The following FAM186A variants were observed in gnomAD, a reference collection of about 807,000 sequenced individuals.
The protein encoded by FAM186A is family with sequence similarity 186 member A.
FAM186A carries 163 observed loss-of-function variants against 216.8 expected under a neutral mutation model. The ratio of observed to expected loss-of-function variants is 0.75; its 90% CI spans 0.66 to 0.86. FAM186A has a LOEUF of 0.86. Ranked by LOEUF, FAM186A falls within the 40% of genes least tolerant of loss-of-function variation. The probability of loss-of-function intolerance (pLI) is 0.00; values close to 1 mark genes in which losing one functional copy is unlikely to be tolerated. For synonymous variants in FAM186A, 805 were observed against 1,025.3 expected, an observed-to-expected ratio of 0.79 and a Z score of 4.10; for missense variants, 2,184 against 2,746.2, an observed-to-expected ratio of 0.80 and a Z score of 4.58.
intron 1 of FAM186A, among the ~76,000 whole-genome samples, chr12:50,378,558 GTA>G (rs144897665): frequency 0.02 from 287 of 14,394 alleles, 1 homozygote; most frequent in Admixed American, 0.03. Context: ...TATGTAAATT[GTA>G]TATATATATA....
chr12:50,353,968 T>C lies in FAM186A; in HGVS notation c.2864A>G (p.His955Arg). Reference protein sequence around the residue: ...QMRQIQKEAKHLGPHRRREKG... With the variant: ...QMRQIQKEAKRLGPHRRREKG... Reference sequence around the variant, plus strand: ...CTCCCTTCTCCTGTGTGGCCCCAAATGTTTCGCTTCCTTCTGAATCTGCCT... The same window carrying C: ...CTCCCTTCTCCTGTGTGGCCCCAAACGTTTCGCTTCCTTCTGAATCTGCCT... Residue 955 changes from histidine to arginine, a missense_variant, in exon 4 of 8, where the codon CAT (histidine) becomes CGT (arginine). By Grantham distance (29) the His-to-Arg change is conservative (BLOSUM62 0). This residue lies in a region of FAM186A where 1,132 missense variants were observed against 1,263.4 expected (regional missense o/e 0.90). Transcript: ENST00000327337. 1.9e-6 allele frequency: 3 copies of C among 1,553,110 alleles called. No homozygotes were observed. The highest frequency in any genetic ancestry group is 1.7e-6 in the Non-Finnish European group (2 of 1,147,782).
At chr12:50,330,808 G>C in intron 6 of FAM186A, 50 bp from the exon 7 acceptor site, 1 of 1,440,676 alleles carries the variant, frequency 6.9e-7, no homozygotes, top group Non-Finnish European at 9.2e-7. Context: ...GAGCTCCATA[G>C]CCCATCAAAA....
chr12:50,339,866 C>CT (rs1942745739), intron 4 of FAM186A, among the ~76,000 whole-genome samples: 1 of 152,012 alleles, frequency 6.6e-6, no homozygotes, highest in African/African-American at 2.4e-5. Flanking sequence ...GAGACAGAGT[C>CT]TTACTCTGTC....
At chr12:50,342,189 T>C (rs933457217) in intron 4 of FAM186A, among the ~76,000 whole-genome samples, 1 of 151,254 alleles carries the variant, frequency 6.6e-6, no homozygotes, top group African/African-American at 2.4e-5. Context: ...CCAGCTACTC[T>C]GGAGGCTGAA....
intron 1 of FAM186A, among the ~76,000 whole-genome samples, chr12:50,385,060 C>A (rs774428690): frequency 3.3e-5 from 5 of 151,548 alleles, no homozygotes; most frequent in Non-Finnish European, 7.4e-5. Flanking sequence ...CCGCCTTGGC[C>A]TCCCAAAGTG....
At chr12:50,359,859 A>T (rs1943015272) in intron 3 of FAM186A, among the ~76,000 whole-genome samples, 1 of 152,228 alleles carries the variant, frequency 6.6e-6, no homozygotes, top group African/African-American at 2.4e-5. Context: ...GAGAGAATAC[A>T]TTAGTGACTG....
At chr12:50,388,550 C>G (rs1356397090) in intron 1 of FAM186A, among the ~76,000 whole-genome samples, 1 of 148,410 alleles carries the variant, frequency 6.7e-6, no homozygotes, top group Non-Finnish European at 1.5e-5. Flanking sequence ...ACCTGGGAGG[C>G]GGAGGTTGCG....
At chr12:50,339,741 T>TACACACAC (rs10611207) in intron 4 of FAM186A, among the ~76,000 whole-genome samples, 2,579 of 148,466 alleles carry the variant, frequency 0.017, 74 homozygotes, top group East Asian at 0.066. Context: ...CAAAGTACTT[T>TACACACAC]ACACACACAC....
In FAM186A at chr12:50,330,741, G is replaced by T. The variant is rs1942649148; in HGVS notation, c.6866C>A (p.Thr2289Lys). Residue 2289 changes from threonine to lysine, a missense_variant, in exon 7 of 8, where the codon ACA becomes AAA. Thr to Lys is a moderately conservative substitution (Grantham distance 78, BLOSUM62 -1). This residue lies in a region of FAM186A where 721 missense variants were observed against 816.4 expected (regional missense o/e 0.88). Coordinates refer to ENST00000327337, the MANE Select transcript of FAM186A (RefSeq NM_001145475.3). ...CKKFRQQEDQ[T>K]EAIWNVDLST... ...CAGATCAACATTCCAGATGGCCTCT[G>T]TCTGGTCCTCTTGTTGCCTACAGAA... is the stretch of plus-strand genomic sequence containing the variant. 3 of 1,525,346 alleles carry T rather than the reference G, an allele frequency of 2.0e-6. No individual in the cohort carries two copies. The South Asian group carries it at 3.8e-5, about 20-fold the overall frequency. 94.5% of individuals were successfully genotyped at this position (1,525,346 alleles called of 1,614,324 possible).
intron 1 of FAM186A, among the ~76,000 whole-genome samples, chr12:50,378,353 A>T (rs1437783718): frequency 6.6e-6 from 1 of 151,576 alleles, no homozygotes; most frequent in Non-Finnish European, 1.5e-5. Context: ...AGATGGTGAA[A>T]CCCTGTCTCT....
At chr12:50,366,469 T>C (rs374463498) in intron 1 of FAM186A, among the ~76,000 whole-genome samples, 21 of 152,204 alleles carry the variant, frequency 1.4e-4, no homozygotes, top group African/African-American at 4.6e-4. Flanking sequence ...CTGATGAATA[T>C]TGATACAGAA....
At position 50,372,623 on chromosome 12, in the gene FAM186A, G is replaced by T. The variant is rs191723709; in HGVS notation, c.193-9259C>A. ...AAAAAAAAAGAAATAATACTAGGCC[G>T]GGCACGGTGGTTCACATCTGTAATC... On this transcript the variant is annotated intron_variant, in intron 1 of 7. Transcript: ENST00000327337. 5.5e-3 allele frequency among the ~76,000 whole-genome samples: 822 copies of T among 150,494 alleles called. 7 individuals are homozygous for T. The highest frequency in any genetic ancestry group is 7.8e-3 in the Non-Finnish European group (529 of 67,642).
intron 1 of FAM186A, among the ~76,000 whole-genome samples, chr12:50,385,627 G>A (rs565596714): frequency 2.0e-5 from 3 of 152,096 alleles, no homozygotes; most frequent in Admixed American, 6.6e-5. Context: ...CTTGCCGGGC[G>A]TGGTGGCTCA....
chr12:50,347,085 A>T (rs866559003), intron 4 of FAM186A, among the ~76,000 whole-genome samples: 3 of 152,108 alleles, frequency 2.0e-5, no homozygotes, highest in Non-Finnish European at 4.4e-5. Flanking sequence ...CTATTTTAAC[A>T]AAACTCCCAA....
chr12:50,396,535 C>A lies in FAM186A; in HGVS notation c.-51G>T. On this transcript the variant is annotated 5_prime_UTR_variant, in exon 1 of 8. Transcript: ENST00000327337. ...TATTTCTTCTTTTTCACAGAATCTACAAAAATGCTAATAAAGATATCCAGT... is the reference window on the plus strand; with the variant it reads ...TATTTCTTCTTTTTCACAGAATCTAAAAAAATGCTAATAAAGATATCCAGT... 6.7e-7 allele frequency: 1 copy of A among 1,489,988 alleles called. No homozygotes were observed. Among genetic ancestry groups the A allele is most frequent in the Non-Finnish European group, 9.0e-7 (1 of 1,111,320 alleles). 92.3% of individuals were successfully genotyped at this position (1,489,988 alleles called of 1,614,324 possible). A position where few individuals can be genotyped will look rare whatever the true frequency, so the allele number is the denominator to read the frequency against.
In FAM186A at chr12:50,351,693, T is replaced by C; in HGVS notation, c.5139A>G (p.Arg1713=). ...GAGAAGCCTTCGATTTCTGAAATGG[T>C]CTATGGGACCACTGGACTTGCTTAA... The part of the protein sequence containing the change: ...LTLKQVQWSH[R]PFQKSKASLP... The change falls in exon 4 of 8, where the codon AGA becomes AGG. Residue 1713 remains arginine (R), a synonymous_variant. Coordinates refer to ENST00000327337, the MANE Select transcript of FAM186A (RefSeq NM_001145475.3). The C allele has an allele frequency of 6.4e-7, 1 of 1,551,516 alleles. No homozygotes were observed. The highest frequency in any genetic ancestry group is 8.7e-7 in the Non-Finnish European group (1 of 1,146,916).
intron 4 of FAM186A, among the ~76,000 whole-genome samples, chr12:50,336,423 G>A (rs970359639): frequency 9.9e-5 from 15 of 152,118 alleles, no homozygotes; most frequent in South Asian, 2.1e-4. Context: ...CTCAAGGTGC[G>A]GACTCTGATC....
At chr12:50,373,271 C>T (rs1943167529) in intron 1 of FAM186A, among the ~76,000 whole-genome samples, 3 of 151,976 alleles carry the variant, frequency 2.0e-5, no homozygotes. Context: ...GTGGCACGCA[C>T]CTGTAGTCCC....
chr12:50,355,279 G>A lies in FAM186A; in HGVS notation c.1553C>T (p.Thr518Ile). 1 of 1,551,250 alleles carries A rather than the reference G, an allele frequency of 6.4e-7. No homozygotes were observed. The highest frequency in any genetic ancestry group is 8.7e-7 in the Non-Finnish European group (1 of 1,146,896). ...SFSEDKSKSPTEAKRKHLSLT... is the reference protein window; with the variant it reads ...SFSEDKSKSPIEAKRKHLSLT... ...AGAGAGATGTTTTCTTTTTGCTTCA[G>A]TGGGTGACTTTGATTTATCTTCAGA... is the stretch of plus-strand genomic sequence containing the variant. Residue 518 changes from threonine (T) to isoleucine (I), a missense_variant, in exon 4 of 8, where the codon ACT (threonine) becomes ATT (isoleucine). Thr to Ile is a moderately conservative substitution (Grantham distance 89). Around this residue, in one of 7 missense-constraint regions of FAM186A, gnomAD observed 1,132 missense variants for 1,263.4 expected, o/e 0.90. Coordinates refer to ENST00000327337, the MANE Select transcript of FAM186A (RefSeq NM_001145475.3).
Sources: allele counts gnomAD v4.1 joint callset (sites outside exome capture counted in the v4.1 genomes callset), GRCh38; gene constraint gnomAD v4.1.1; regional missense constraint gnomAD v4.1.1; transcripts MANE v1.5; gene names NCBI Gene and HGNC (gene_info 2026-07-23, HGNC 2026-07-21).